The following ZNF37A variants were observed in gnomAD, a reference collection of about 807,000 sequenced individuals.
The protein encoded by ZNF37A is zinc finger protein 37A, also known as zinc finger protein 37a (KOX 21).
A neutral mutation model predicts 12.3 loss-of-function variants in ZNF37A; 10 were observed. That is an observed-to-expected ratio of 0.82 (90% CI 0.50 to 1.38). ZNF37A has a LOEUF of 1.38. ZNF37A is among the 40% of genes most tolerant of loss of function. The probability of loss-of-function intolerance (pLI) is 0.00; values close to 1 mark genes in which losing one functional copy is unlikely to be tolerated. For missense variants in ZNF37A, 580 were observed against 651.2 expected, an observed-to-expected ratio of 0.89 and a Z score of 1.19; for synonymous variants, 207 against 223.0, an observed-to-expected ratio of 0.93 and a Z score of 0.64.
intron 5 of ZNF37A, among the ~76,000 whole-genome samples, chr10:38,098,777 C>T (rs568879213): frequency 1.1e-4 from 16 of 152,248 alleles, no homozygotes; most frequent in African/African-American, 3.1e-4. Flanking sequence ...TTTCACACTA[C>T]GAGGGCAGAA....
chr10:38,148,563 G>A (rs1479622577), exon 8 of ZNF37A: 1 of 152,214 alleles, frequency 6.6e-6, no homozygotes, highest in Non-Finnish European at 1.5e-5. Context: ...AGCTCTGCCT[G>A]TGTTCCTACA....
chr10:38,118,328 C>G lies in ZNF37A; in HGVS notation c.1177C>G (p.Leu393Val), dbSNP rs372148123. 5.0e-6 allele frequency: 8 copies of G among 1,611,060 alleles called. No individual in the cohort carries two copies. In the African/African-American group the frequency reaches 1.1e-4, roughly 22 times the overall value. ...ATGCTATGCATGTGGGAAAGCCTTT[C>G]TCAGAAAATCAGACCTCATTAAACA... ...YECYACGKAF[L>V]RKSDLIKHQR... Residue 393 changes from leucine to valine, a missense_variant, in exon 8 of 8, where the codon CTC becomes GTC. Physicochemically the swap from Leu to Val is conservative, Grantham distance 32. Transcript: ENST00000685332.
chr10:38,141,977 G>C (rs918629426), intron 7 of ZNF37A: 8 of 152,212 alleles, frequency 5.3e-5, no homozygotes, highest in African/African-American at 1.7e-4. Context: ...GGGCATAGTG[G>C]TGAGTGCCTA....
chr10:38,134,971 A>G (rs2070087545), intron 7 of ZNF37A, among the ~76,000 whole-genome samples: 2 of 152,156 alleles, frequency 1.3e-5, no homozygotes, highest in South Asian at 2.1e-4. Context: ...TTTGATTCTT[A>G]TCTCACTTAC....
chr10:38,118,662 T>C lies in ZNF37A; in HGVS notation c.1511T>C (p.Phe504Ser), dbSNP rs2069494837. 1 of 1,613,516 alleles carries C rather than the reference T, an allele frequency of 6.2e-7. No homozygotes were observed. The highest frequency in any genetic ancestry group is 1.3e-5 in the African/African-American group (1 of 74,810). Residue 504 changes from phenylalanine to serine, a missense_variant, in exon 8 of 8, where the codon TTC becomes TCC. Transcript: ENST00000685332. ...PYGCNQCGKSFCVKSKLIAHH... is the reference protein window; with the variant it reads ...PYGCNQCGKSSCVKSKLIAHH... ...GGATGTAATCAATGTGGAAAATCAT[T>C]CTGTGTGAAGTCAAAACTCATTGCA... is the stretch of plus-strand genomic sequence containing the variant.
At chr10:38,149,571 C>CTGT (rs2070300169) in exon 8 of ZNF37A, 1 of 95,724 alleles carries the variant, frequency 1.0e-5, no homozygotes, top group African/African-American at 4.1e-5. Flanking sequence ...TACAGTTGTG[C>CTGT]TTTTTTTTTT....
Position 38,118,446 on chromosome 10 carries a change from C to T in ZNF37A, c.1295C>T (p.Thr432Ile), listed in dbSNP as rs753346087. 2.0e-5 allele frequency: 33 copies of T among 1,613,888 alleles called. No homozygotes were observed. In the African/African-American group the frequency reaches 4.4e-4, roughly 22 times the overall value. The change falls in exon 8 of 8, where the codon ACT becomes ATT. Residue 432 changes from threonine (T) to isoleucine (I), a missense_variant. By Grantham distance (89) the Thr-to-Ile change is moderately conservative. Coordinates refer to ENST00000685332, the MANE Select transcript of ZNF37A (RefSeq NM_001324250.3). Reference sequence around the variant, plus strand: ...TCAACCCTTACTAAACATCTAAGAACTCACACAGGTGAGAAACCTTATGAA... The same window carrying T: ...TCAACCCTTACTAAACATCTAAGAATTCACACAGGTGAGAAACCTTATGAA... ...EKSTLTKHLR[T>I]HTGEKPYECI...
intron 5 of ZNF37A, among the ~76,000 whole-genome samples, chr10:38,106,486 C>T (rs1325856161): frequency 1.3e-5 from 2 of 152,120 alleles, no homozygotes; most frequent in African/African-American, 4.8e-5. Flanking sequence ...GGGAACAAAA[C>T]TGGACAGAGA....
chr10:38,113,528 G>A (rs1323727288), intron 5 of ZNF37A, among the ~76,000 whole-genome samples: 2 of 152,110 alleles, frequency 1.3e-5, no homozygotes, highest in Non-Finnish European at 2.9e-5. Context: ...CATTCCAAGA[G>A]CAGCATGGCC....
At chr10:38,096,494 C>A in intron 4 of ZNF37A, 80 bp from the exon 5 acceptor site, 3 of 916,080 alleles carry the variant, frequency 3.3e-6, no homozygotes, top group Non-Finnish European at 5.2e-6. Flanking sequence ...GAGTATCTCC[C>A]TTTCAGAGAT....
intron 7 of ZNF37A, among the ~76,000 whole-genome samples, chr10:38,145,906 C>A (rs192869760): frequency 3.9e-4 from 59 of 152,100 alleles, no homozygotes; most frequent in Non-Finnish European, 6.9e-4. Flanking sequence ...CGAGACCAGC[C>A]TGGTCAACTA....
downstream of ZNF37A, among the ~76,000 whole-genome samples, chr10:38,130,346 A>G (rs2070005589): frequency 6.6e-6 from 1 of 152,188 alleles, no homozygotes; most frequent in Non-Finnish European, 1.5e-5. Context: ...AGTGATGTAC[A>G]TATGTCTGTT....
rs1387644484 is a variant in ZNF37A at position 38,122,389 on chromosome 10, T to C, written c.*3552T>C. The stretch of plus-strand genomic sequence containing the variant: ...AAAGACTTAGAATAGTCAGCTATCC[T>C]GAGCAAAAGGAATCAAACTGGAGGA... On this transcript the variant is annotated 3_prime_UTR_variant, in exon 8 of 8. Transcript: ENST00000685332. 3 of 152,200 alleles carry C rather than the reference T, an allele frequency of 2.0e-5. No individual in the cohort carries two copies. Among genetic ancestry groups the C allele is most frequent in the African/African-American group, 2.4e-5 (1 of 41,460 alleles). The allele number at this position is 152,200 out of a possible 1,614,324, so 9.4% of individuals were successfully genotyped here.
intron 5 of ZNF37A, among the ~76,000 whole-genome samples, chr10:38,106,579 A>G (rs1163176989): frequency 2.0e-5 from 3 of 152,188 alleles, no homozygotes; most frequent in Admixed American, 6.5e-5. Flanking sequence ...AGCATGTTCT[A>G]TCCAATGCAG....
intron 5 of ZNF37A, among the ~76,000 whole-genome samples, chr10:38,112,146 C>CA (rs2068736028): frequency 8.5e-6 from 1 of 117,786 alleles, no homozygotes; most frequent in Non-Finnish European, 1.9e-5. Flanking sequence ...AAAAAAAAAA[C>CA]TAAAAAAAAA....
At chr10:38,138,058 C>T (rs1180913069) in intron 7 of ZNF37A, 2 of 152,262 alleles carry the variant, frequency 1.3e-5, no homozygotes, top group East Asian at 1.9e-4. Flanking sequence ...CTTTGTAATC[C>T]AGACATTTTG....
chr10:38,148,179 C>T (rs550148910), exon 8 of ZNF37A: 15 of 152,288 alleles, frequency 9.8e-5, no homozygotes, highest in African/African-American at 3.4e-4. Context: ...TATTGGCATC[C>T]TTGGTTTATC....
Position 38,123,887 on chromosome 10 carries a change from A to C in ZNF37A, c.*5050A>C, listed in dbSNP as rs1264629850. ...AAAAGGGAAACCTCGTGCACTGTGG[A>C]AATGTTATTAGTACAACCACTATGG... On this transcript the variant is annotated 3_prime_UTR_variant, in exon 8 of 8. Transcript: ENST00000685332. 4 of 152,204 alleles carry C rather than the reference A, an allele frequency of 2.6e-5. No individual in the cohort carries two copies. The highest frequency in any genetic ancestry group is 9.6e-5 in the African/African-American group (4 of 41,460). The allele number at this position is 152,204 out of a possible 1,614,324, so 9.4% of individuals were successfully genotyped here. A position where few individuals can be genotyped will look rare whatever the true frequency, so the allele number is the denominator to read the frequency against.
chr10:38,099,108 A>G (rs2067365053), intron 5 of ZNF37A, among the ~76,000 whole-genome samples: 1 of 152,208 alleles, frequency 6.6e-6, no homozygotes, highest in Admixed American at 6.5e-5. Flanking sequence ...ATATGTGGCC[A>G]AAGCAGGAAT....
Sources: allele counts gnomAD v4.1 joint callset (sites outside exome capture counted in the v4.1 genomes callset), GRCh38; gene constraint gnomAD v4.1.1; transcripts MANE v1.5; gene names NCBI Gene and HGNC (gene_info 2026-07-23, HGNC 2026-07-21).